ERBB4: variants seen among roughly 807,000 people sequenced by gnomAD.
ERBB4 encodes erb-b2 receptor tyrosine kinase 4.
Under a neutral mutation model 158.0 loss-of-function variants are expected in ERBB4, and 42 were observed. That is an observed-to-expected ratio of 0.27 (90% CI 0.21 to 0.34). The LOEUF is 0.34. ERBB4 is among the 10% of genes least tolerant of loss of function. The probability of loss-of-function intolerance (pLI) is 1.00; values close to 1 mark genes in which losing one functional copy is unlikely to be tolerated. For synonymous variants in ERBB4, 583 were observed against 558.7 expected (o/e 1.04, Z -0.61); for missense variants, 1,333 against 1,624.1 (o/e 0.82, Z 3.08).
chr2:212,022,201 T>G (rs923819417), intron 2 of ERBB4, among the ~76,000 whole-genome samples: 1 of 152,178 alleles, frequency 6.6e-6, no homozygotes, highest in African/African-American at 2.4e-5. Context: ...CAAAGGAATA[T>G]AAATCATTCG....
At chr2:212,332,487 C>T (rs1430980357) in intron 1 of ERBB4, among the ~76,000 whole-genome samples, 2 of 152,050 alleles carry the variant, frequency 1.3e-5, no homozygotes, top group African/African-American at 4.8e-5. Flanking sequence ...AGTAATCATG[C>T]CACTACTCTG....
chr2:211,655,938 G>A (rs1262075096), intron 16 of ERBB4, among the ~76,000 whole-genome samples: 2 of 152,186 alleles, frequency 1.3e-5, no homozygotes, highest in Non-Finnish European at 2.9e-5. Context: ...CATTAAAAAT[G>A]ATATATTAAG....
At chr2:212,287,067 G>C (rs964184447) in intron 1 of ERBB4, among the ~76,000 whole-genome samples, 2 of 151,728 alleles carry the variant, frequency 1.3e-5, no homozygotes, top group African/African-American at 4.8e-5. Context: ...TGCTCCACAG[G>C]TAGCCCAAAT....
At chr2:211,512,007 G>A (rs2065896385) in intron 20 of ERBB4, among the ~76,000 whole-genome samples, 1 of 152,074 alleles carries the variant, frequency 6.6e-6, no homozygotes, top group Non-Finnish European at 1.5e-5. Flanking sequence ...GGGTGGACAG[G>A]AAGAAGATTC....
intron 3 of ERBB4, among the ~76,000 whole-genome samples, chr2:211,860,551 G>A (rs2077984718): frequency 2.6e-5 from 4 of 151,986 alleles, no homozygotes; most frequent in South Asian, 2.1e-4. Flanking sequence ...AATTACCTAG[G>A]CCTCTTAGCT....
At chr2:211,814,676 G>A (rs1277956507) in intron 3 of ERBB4, among the ~76,000 whole-genome samples, 2 of 152,034 alleles carry the variant, frequency 1.3e-5, no homozygotes, top group East Asian at 3.8e-4. Context: ...GGGTCCTTTG[G>A]TCCTTCTTGA....
At chr2:212,320,227 C>T (rs1007608544) in intron 1 of ERBB4, among the ~76,000 whole-genome samples, 8 of 124,076 alleles carry the variant, frequency 6.4e-5, no homozygotes, top group African/African-American at 1.8e-4. Context: ...CGCAGTCATA[C>T]TTTTATTTTT....
chr2:211,571,659 T>C (rs551844784), intron 19 of ERBB4, among the ~76,000 whole-genome samples: 2 of 152,298 alleles, frequency 1.3e-5, no homozygotes, highest in East Asian at 3.9e-4. Context: ...GGCATCTCTG[T>C]TTTTTTCTCT....
chr2:212,132,256 A>G (rs1264665566), intron 1 of ERBB4, among the ~76,000 whole-genome samples: 4 of 152,142 alleles, frequency 2.6e-5, no homozygotes, highest in African/African-American at 4.8e-5. Flanking sequence ...ATTGTCTTTA[A>G]TTGGAGATTA....
At chr2:212,524,886 A>G in intron 1 of ERBB4, among the ~76,000 whole-genome samples, 1 of 152,056 alleles carries the variant, frequency 6.6e-6, no homozygotes, top group East Asian at 1.9e-4. Context: ...AGTGACCGTA[A>G]TGTCAAAGGC....
Position 212,007,064 on chromosome 2 carries a change from A to G in ERBB4, c.235-59448T>C, listed in dbSNP as rs566018787. On this transcript the variant is annotated intron_variant, in intron 2 of 27. Coordinates refer to ENST00000342788, the MANE Select transcript of ERBB4 (RefSeq NM_005235.3). Reference sequence around the variant, plus strand: ...ACTGCTAATAGTAAAAATGGTAATGATAATAAGTAGTAATCAACATTTACT... The same window carrying G: ...ACTGCTAATAGTAAAAATGGTAATGGTAATAAGTAGTAATCAACATTTACT... Among the ~76,000 whole-genome samples, 11 of 152,184 alleles carry G rather than the reference A, an allele frequency of 7.2e-5. No individual in the cohort carries two copies. The East Asian group carries it at 2.1e-3, about 29-fold the overall frequency.
At chr2:211,560,428 C>T (rs2067359399) in intron 20 of ERBB4, among the ~76,000 whole-genome samples, 1 of 151,602 alleles carries the variant, frequency 6.6e-6, no homozygotes. Flanking sequence ...GCATGTGCCA[C>T]CATGCCCAGC....
chr2:212,447,706 C>T (rs1303142992), intron 1 of ERBB4, among the ~76,000 whole-genome samples: 1 of 151,386 alleles, frequency 6.6e-6, no homozygotes, highest in African/African-American at 2.4e-5. Flanking sequence ...CAGTATGGGC[C>T]AATATAAGTA....
intron 16 of ERBB4, among the ~76,000 whole-genome samples, chr2:211,639,538 G>A (rs114626729): frequency 0.03 from 4,618 of 152,172 alleles, 211 homozygotes; most frequent in African/African-American, 0.1. Context: ...AGTTTTCTTC[G>A]CCTTAAAATC....
chr2:211,430,604 A>G (rs1305785339), intron 21 of ERBB4, among the ~76,000 whole-genome samples: 9 of 152,138 alleles, frequency 5.9e-5, no homozygotes, highest in Admixed American at 5.9e-4. Flanking sequence ...TTCTACAGCC[A>G]TGTGTTAAAG....
intron 1 of ERBB4, among the ~76,000 whole-genome samples, chr2:212,504,279 TTTTA>T (rs139164461): frequency 0.099 from 14,963 of 151,540 alleles, 982 homozygotes; most frequent in Non-Finnish European, 0.15. Flanking sequence ...ATAGCTGCAT[TTTTA>T]TTTATTTATT....
chr2:211,589,749 G>T (rs748948571), intron 19 of ERBB4, among the ~76,000 whole-genome samples: 1 of 151,856 alleles, frequency 6.6e-6, no homozygotes, highest in Non-Finnish European at 1.5e-5. Context: ...ATTCAAAATT[G>T]ATCATTAACT....
intron 25 of ERBB4, among the ~76,000 whole-genome samples, chr2:211,396,101 C>A (rs1200363315): frequency 6.6e-6 from 1 of 151,690 alleles, no homozygotes; most frequent in African/African-American, 2.4e-5. Context: ...AGATATAGTT[C>A]CTTTTGTACT....
intron 25 of ERBB4, among the ~76,000 whole-genome samples, chr2:211,419,503 TTA>T (rs1225350188): frequency 1.4e-5 from 2 of 142,846 alleles, no homozygotes; most frequent in Non-Finnish European, 2.9e-5. Flanking sequence ...GAGAAAAGAA[TTA>T]TCTTCTAGAA....
Sources: gnomAD v4.1 joint callset for allele counts (sites outside exome capture counted in the v4.1 genomes callset) on GRCh38, gnomAD v4.1.1 for gene constraint, MANE v1.5 for transcripts, NCBI Gene and HGNC (gene_info 2026-07-23, HGNC 2026-07-21) for gene names.